RNF2: variants seen among roughly 807,000 people sequenced by gnomAD.
RNF2 encodes the protein ring finger protein 2.
RNF2 carries 6 observed loss-of-function variants against 37.2 expected under a neutral mutation model. The observed-to-expected ratio is 0.16, with a 90% CI of 0.09 to 0.32. The LOEUF is 0.32. Among genes scored for constraint, RNF2 ranks in the 10% least tolerant of loss-of-function variants. The probability of loss-of-function intolerance (pLI) is 1.00; values close to 1 mark genes in which losing one functional copy is unlikely to be tolerated. For missense variants in RNF2, 251 were observed against 404.0 expected (o/e 0.62, Z 3.25); for synonymous variants, 133 against 132.7 (o/e 1.00, Z -0.02).
At chr1:185,054,468 C>A (rs1039779911) in intron 1 of RNF2, among the ~76,000 whole-genome samples, 1 of 152,132 alleles carries the variant, frequency 6.6e-6, no homozygotes, top group Non-Finnish European at 1.5e-5. Context: ...GGCAAGCAGG[C>A]CTTCTTCTCC....
chr1:185,092,812 A>G (rs1465336975), intron 3 of RNF2, among the ~76,000 whole-genome samples: 1 of 152,160 alleles, frequency 6.6e-6, no homozygotes, highest in South Asian at 2.1e-4. Flanking sequence ...AGATGGTTAT[A>G]TATAAATTAT....
chr1:185,090,868 C>A (rs750371339), intron 2 of RNF2, among the ~76,000 whole-genome samples: 27 of 152,162 alleles, frequency 1.8e-4, no homozygotes, highest in Non-Finnish European at 3.4e-4. Flanking sequence ...TACATTGGAA[C>A]TCCAGATGCA....
chr1:185,071,909 T>A (rs530183668), intron 1 of RNF2: 1 of 152,380 alleles, frequency 6.6e-6, no homozygotes, highest in Non-Finnish European at 1.5e-5. Flanking sequence ...CACTTTCTCA[T>A]TATATTTTCT....
intron 1 of RNF2, among the ~76,000 whole-genome samples, chr1:185,082,490 C>T (rs1196243989): frequency 5.3e-5 from 8 of 151,848 alleles, no homozygotes; most frequent in Admixed American, 5.2e-4. Flanking sequence ...GCTGGGATTA[C>T]AGGCACATGC....
intron 1 of RNF2, among the ~76,000 whole-genome samples, chr1:185,054,120 AG>A (rs1457594934): frequency 5.9e-5 from 9 of 152,192 alleles, no homozygotes; most frequent in African/African-American, 2.2e-4. Context: ...GCCGGGAAAA[AG>A]GATATATACT....
intron 1 of RNF2, among the ~76,000 whole-genome samples, chr1:185,077,642 T>C (rs1382489511): frequency 6.7e-6 from 1 of 149,328 alleles, no homozygotes; most frequent in Non-Finnish European, 1.5e-5. Flanking sequence ...TTTTTTTGGC[T>C]AGAAATTTAG....
intron 1 of RNF2, among the ~76,000 whole-genome samples, chr1:185,077,625 G>GGTTTTTTTTTTTTTTTTTTTT (rs1553241127): frequency 1.7e-5 from 2 of 115,694 alleles, no homozygotes; most frequent in African/African-American, 6.6e-5. Context: ...AATTAACTTT[G>GGTTTTTTTTTTTTTTTTTTTT]TTTTTTTTTT....
intron 1 of RNF2, among the ~76,000 whole-genome samples, chr1:185,051,977 C>T (rs952325413): frequency 4.1e-4 from 61 of 150,246 alleles, no homozygotes; most frequent in African/African-American, 1.5e-3. Flanking sequence ...TATGCATGCA[C>T]CCATGTAACA....
chr1:185,082,345 C>CTTTTTTTTTTTTTTTTT lies in RNF2; in HGVS notation c.-2-5201_-2-5185dup, dbSNP rs3036553. Among the ~76,000 whole-genome samples the CTTTTTTTTTTTTTTTTT allele has an allele frequency of 5.5e-3, 399 of 71,960 alleles. 68 individuals carry two copies. Among genetic ancestry groups the CTTTTTTTTTTTTTTTTT allele is most frequent in the Non-Finnish European group, 7.4e-3 (257 of 34,580 alleles). 47.2% of individuals were successfully genotyped at this position (71,960 alleles called of 152,430 possible). On this transcript the variant is annotated intron_variant, in intron 1 of 6. Transcript: ENST00000367510. ...CAAGGTTCTTGTCTCCTCTGCAGAA[C>CTTTTTTTTTTTTTTTTT]TTTTTTTTTTTTTTTTTTTTTTGAA...
intron 4 of RNF2, among the ~76,000 whole-genome samples, chr1:185,097,130 C>G (rs1297589470): frequency 6.6e-6 from 1 of 152,074 alleles, no homozygotes. Flanking sequence ...CTTTGCTTTT[C>G]TCAACTAGAA....
intron 1 of RNF2, among the ~76,000 whole-genome samples, chr1:185,076,265 G>GTTTTTTTTTTTT (rs1557967374): frequency 5.1e-5 from 2 of 39,540 alleles, no homozygotes; most frequent in African/African-American, 8.2e-5. Flanking sequence ...TCTTTTATGG[G>GTTTTTTTTTTTT]TTGTTTTTTT....
At chr1:185,068,056 T>G (rs563444305) in intron 1 of RNF2, among the ~76,000 whole-genome samples, 1 of 150,852 alleles carries the variant, frequency 6.6e-6, no homozygotes, top group Non-Finnish European at 1.5e-5. Context: ...CACGCTGGAG[T>G]GCAATGGTAC....
intron 1 of RNF2, among the ~76,000 whole-genome samples, chr1:185,074,172 A>G (rs1651074714): frequency 6.6e-6 from 1 of 152,220 alleles, no homozygotes; most frequent in Non-Finnish European, 1.5e-5. Flanking sequence ...TTCCAACCAT[A>G]GGAGCTCCTG....
chr1:185,093,445 A>G (rs1398935969), intron 4 of RNF2, among the ~76,000 whole-genome samples, 169 bp downstream of exon 4: 1 of 152,240 alleles, frequency 6.6e-6, no homozygotes, highest in Non-Finnish European at 1.5e-5. Flanking sequence ...TATTTCATTT[A>G]AAATACTAGA....
intron 1 of RNF2, among the ~76,000 whole-genome samples, chr1:185,065,491 A>G (rs907155259): frequency 1.3e-5 from 2 of 152,164 alleles, no homozygotes; most frequent in Non-Finnish European, 2.9e-5. Context: ...TATGAGCTGT[A>G]ACACTCACCA....
chr1:185,086,195 CTG>C (rs1172525306), intron 1 of RNF2, among the ~76,000 whole-genome samples: 2 of 152,074 alleles, frequency 1.3e-5, no homozygotes, highest in African/African-American at 4.8e-5. Flanking sequence ...ATATTTTTGT[CTG>C]TACTCCTGCT....
At chr1:185,074,041 ATT>A (rs1222606715) in intron 1 of RNF2, among the ~76,000 whole-genome samples, 14 of 152,174 alleles carry the variant, frequency 9.2e-5, no homozygotes, top group African/African-American at 3.4e-4. Flanking sequence ...AGGTTTGATA[ATT>A]TGCTAGAATG....
intron 1 of RNF2, among the ~76,000 whole-genome samples, chr1:185,080,168 C>T (rs1651304193): frequency 6.6e-6 from 1 of 152,162 alleles, no homozygotes; most frequent in Admixed American, 6.5e-5. Context: ...GTATCTTGGC[C>T]ATCCATTCTT....
chr1:185,062,570 G>T (rs1650641307), intron 1 of RNF2, among the ~76,000 whole-genome samples: 1 of 152,064 alleles, frequency 6.6e-6, no homozygotes, highest in Non-Finnish European at 1.5e-5. Flanking sequence ...AGTATAGGTG[G>T]TTGTTTTTTA....
Sources: allele counts gnomAD v4.1 joint callset (sites outside exome capture counted in the v4.1 genomes callset), GRCh38; gene constraint gnomAD v4.1.1; transcripts MANE v1.5; gene names NCBI Gene and HGNC (gene_info 2026-07-23, HGNC 2026-07-21).